The following NGEF variants were observed in gnomAD, a reference collection of about 807,000 sequenced individuals.
NGEF encodes ephexin-1.
A neutral mutation model predicts 80.9 loss-of-function variants in NGEF; 31 were observed. The ratio of observed to expected loss-of-function variants is 0.38; its 90% confidence interval spans 0.29 to 0.52. The LOEUF is 0.52. Among genes scored for constraint, NGEF ranks in the 20% least tolerant of loss-of-function variants. The pLI is 0.84. For missense variants in NGEF, 709 were observed against 926.2 expected, an observed-to-expected ratio of 0.77 and a Z score of 3.04; for synonymous variants, 371 against 370.2, an observed-to-expected ratio of 1.00 and a Z score of -0.03.
chr2:232,998,648 G>A (rs145301050), intron 1 of NGEF, among the ~76,000 whole-genome samples: 1 of 152,248 alleles, frequency 6.6e-6, no homozygotes, highest in African/African-American at 2.4e-5. Flanking sequence ...TGGGGGCAGG[G>A]GCTCAAAGCA....
At chr2:232,905,355 C>CGGCCTCCCGAGGT (rs200654921) in intron 5 of NGEF, among the ~76,000 whole-genome samples, 11,139 of 152,260 alleles carry the variant, frequency 0.073, 497 homozygotes, top group East Asian at 0.17. Flanking sequence ...CCGCCAGCCT[C>CGGCCTCCCGAGGT]GGCCTCCCGA....
intron 3 of NGEF, among the ~76,000 whole-genome samples, chr2:232,969,443 C>G: frequency 1.7e-5 from 1 of 57,978 alleles, no homozygotes; most frequent in South Asian, 6.0e-4. Context: ...CTCCCTCCCT[C>G]CCTCCCCTTC....
chr2:232,939,807 G>A (rs369679293), intron 3 of NGEF, among the ~76,000 whole-genome samples: 1 of 152,186 alleles, frequency 6.6e-6, no homozygotes, highest in Non-Finnish European at 1.5e-5. Context: ...AGACCAGCCT[G>A]GGCAACACGG....
chr2:232,992,943 T>C (rs72980030), intron 1 of NGEF, among the ~76,000 whole-genome samples: 30,316 of 149,100 alleles, frequency 0.2, 3,775 homozygotes, highest in Non-Finnish European at 0.28. Flanking sequence ...GCCCAGATTA[T>C]GCTATTGCAC....
At chr2:232,883,496 C>A (rs1009612431) in intron 11 of NGEF, 30 bp from the exon 12 acceptor site, 1 of 1,545,818 alleles carries the variant, frequency 6.5e-7, no homozygotes, top group South Asian at 1.2e-5. Context: ...GCAGGCGTGT[C>A]AGCCCCGAGG....
chr2:232,979,475 C>T (rs1013083422), intron 1 of NGEF, among the ~76,000 whole-genome samples: 1 of 152,012 alleles, frequency 6.6e-6, no homozygotes, highest in African/African-American at 2.4e-5. Flanking sequence ...ATGTGCTCTG[C>T]GTCTGGAATC....
chr2:232,927,778 C>A (rs1427172018), intron 3 of NGEF: 2 of 558,738 alleles, frequency 3.6e-6, no homozygotes, highest in Non-Finnish European at 5.2e-6. Flanking sequence ...GGCGGGGGCC[C>A]GCGGAGGAGG....
At chr2:232,997,151 C>CA (rs34338587) in intron 1 of NGEF, among the ~76,000 whole-genome samples, 81,050 of 152,038 alleles carry the variant, frequency 0.53, 23,160 homozygotes, top group East Asian at 0.93. Context: ...GCCTGGGGAT[C>CA]ACCAGGAGGG....
intron 4 of NGEF, among the ~76,000 whole-genome samples, chr2:232,921,979 CCGGCT>C (rs1692955018): frequency 1.9e-5 from 2 of 105,242 alleles, no homozygotes; most frequent in Non-Finnish European, 4.8e-5. Flanking sequence ...AGATGAGGGT[CCGGCT>C]GAGGGTGGCG....
intron 3 of NGEF, among the ~76,000 whole-genome samples, chr2:232,953,042 G>A (rs1338659143): frequency 4.8e-5 from 7 of 145,450 alleles, no homozygotes; most frequent in East Asian, 2.0e-4. Context: ...AGTGGCTCAC[G>A]CCTGTAATCC....
chr2:232,927,394 G>T (rs2106284116), intron 3 of NGEF, among the ~76,000 whole-genome samples: 1 of 152,252 alleles, frequency 6.6e-6, no homozygotes, highest in Admixed American at 6.5e-5. Context: ...GCGCGACCGG[G>T]TGATGCATTT....
intron 3 of NGEF, among the ~76,000 whole-genome samples, chr2:232,956,421 T>G (rs150793422): frequency 1.3e-4 from 1 of 7,702 alleles, no homozygotes; most frequent in African/African-American, 3.9e-3. Context: ...GAAGAAACAG[T>G]TAACTAATAT....
chr2:232,977,919 C>A (rs1432961844), intron 1 of NGEF, among the ~76,000 whole-genome samples: 1 of 152,144 alleles, frequency 6.6e-6, no homozygotes, highest in Non-Finnish European at 1.5e-5. Flanking sequence ...AGGGAGCTGG[C>A]CCCCTGTTTG....
At position 232,934,102 on chromosome 2, in the gene NGEF, C is replaced by T. The variant is rs148895958; in HGVS notation, c.384-6916G>A. 4.5e-3 allele frequency among the ~76,000 whole-genome samples: 683 copies of T among 152,106 alleles called. 8 individuals carry two copies. Among genetic ancestry groups the T allele is most frequent in the African/African-American group, 0.016 (655 of 41,478 alleles). ...AGTAAAAATACGAAAATTAGCTGGG[C>T]GTGATGGCACGCACCTGTAGTCACA... On this transcript the variant is annotated intron_variant, in intron 3 of 14. Coordinates refer to ENST00000264051, the MANE Select transcript of NGEF (RefSeq NM_019850.3).
Position 232,993,191 on chromosome 2 carries a change from TTTA to T in NGEF, c.-74-18230_-74-18228del, listed in dbSNP as rs1191210855. 2.5e-4 allele frequency among the ~76,000 whole-genome samples: 34 copies of T among 134,402 alleles called. 1 individual carries two copies. In the East Asian group the frequency reaches 6.7e-3, roughly 27 times the overall value. 88.2% of individuals were successfully genotyped at this position (134,402 alleles called of 152,430 possible). A position where few individuals can be genotyped will look rare whatever the true frequency, so the allele number is the denominator to read the frequency against. ...TTATATATATAAATAAATATATATA[TTTA>T]TTTATATATATATTTGCCCGTATAG... is the stretch of plus-strand genomic sequence containing the variant. On this transcript the variant is annotated intron_variant, in intron 1 of 14. Coordinates refer to ENST00000264051, the MANE Select transcript of NGEF (RefSeq NM_019850.3).
At chr2:232,966,797 T>C (rs1353381094) in intron 3 of NGEF, among the ~76,000 whole-genome samples, 1 of 152,150 alleles carries the variant, frequency 6.6e-6, no homozygotes, top group African/African-American at 2.4e-5. Context: ...TGCTCTGGCT[T>C]TGGGTCCGGG....
At position 232,879,509 on chromosome 2, in the gene NGEF, C is replaced by A. The variant is rs773023462; in HGVS notation, c.2113G>T (p.Gly705Cys). ...RSQNKDRRKL[G>C]SRNRQ ...GGGGGTCATTGCCGATTCCGGCTGCCCAGCTTCCTGCGGTCCTTGTTCTGG... is the reference window on the plus strand; with the variant it reads ...GGGGGTCATTGCCGATTCCGGCTGCACAGCTTCCTGCGGTCCTTGTTCTGG... The change falls in exon 15 of 15, where the codon GGC becomes TGC. Residue 705 changes from glycine (G) to cysteine (C), a missense_variant. Gly to Cys is a radical substitution (Grantham distance 159, BLOSUM62 -3). Around this residue, in one of 2 missense-constraint regions of NGEF, gnomAD observed 426 missense variants for 622.9 expected, o/e 0.68. Coordinates refer to ENST00000264051, the MANE Select transcript of NGEF (RefSeq NM_019850.3). The A allele has an allele frequency of 6.2e-7, 1 of 1,608,508 alleles. No individual in the cohort carries two copies. The highest frequency in any genetic ancestry group is 8.5e-7 in the Non-Finnish European group (1 of 1,175,892).
At chr2:232,941,847 C>T (rs1209853280) in intron 3 of NGEF, among the ~76,000 whole-genome samples, 1 of 152,110 alleles carries the variant, frequency 6.6e-6, no homozygotes, top group African/African-American at 2.4e-5. Context: ...CAAAGAATCA[C>T]GAATTCAACT....
chr2:232,893,634 G>A (rs1413211155), intron 6 of NGEF, among the ~76,000 whole-genome samples: 5 of 152,162 alleles, frequency 3.3e-5, no homozygotes, highest in Admixed American at 3.3e-4. Flanking sequence ...AATTAGCCGA[G>A]TGTGGTGGTG....
Sources: allele counts gnomAD v4.1 joint callset (sites outside exome capture counted in the v4.1 genomes callset), GRCh38; gene constraint gnomAD v4.1.1; regional missense constraint gnomAD v4.1.1; transcripts MANE v1.5; gene names NCBI Gene and HGNC (gene_info 2026-07-23, HGNC 2026-07-21).